CCDC15: variants seen among roughly 807,000 people sequenced by gnomAD.
CCDC15 encodes coiled-coil domain-containing protein 15.
Under a neutral mutation model 114.5 loss-of-function variants are expected in CCDC15, and 105 were observed. The observed-to-expected ratio is 0.92, with a 90% CI of 0.78 to 1.08. The LOEUF (loss-of-function observed/expected upper bound fraction) is 1.08, where lower values mean the gene tolerates loss of function less well. Among genes scored for constraint, CCDC15 ranks in the 50% least tolerant of loss-of-function variants. CCDC15 has a pLI of 0.00. For synonymous variants in CCDC15, 334 were observed against 377.8 expected (o/e 0.88, Z 1.34); for missense variants, 1,105 against 1,093.6 (o/e 1.01, Z -0.15).
chr11:125,039,765 G>A (rs1340403852), intron 15 of CCDC15, among the ~76,000 whole-genome samples: 1 of 152,138 alleles, frequency 6.6e-6, no homozygotes, highest in East Asian at 1.9e-4. Context: ...GCTACCCACT[G>A]CAGTATAAGA....
chr11:125,021,015 T>A (rs145730886), intron 13 of CCDC15, among the ~76,000 whole-genome samples: 1 of 151,820 alleles, frequency 6.6e-6, no homozygotes, highest in East Asian at 1.9e-4. Context: ...GATTGATCTA[T>A]GTTGGTGCTA....
At chr11:125,009,990 A>G (rs2135524638) in intron 13 of CCDC15, among the ~76,000 whole-genome samples, 1 of 152,258 alleles carries the variant, frequency 6.6e-6, no homozygotes, top group African/African-American at 2.4e-5. Flanking sequence ...TTTTTGGTAG[A>G]AGGATTCGTT....
intron 4 of CCDC15, among the ~76,000 whole-genome samples, chr11:124,964,718 C>A (rs539329461): frequency 1.3e-5 from 2 of 152,270 alleles, no homozygotes; most frequent in South Asian, 4.1e-4. Context: ...TGTCTTGTGC[C>A]AGTTTTCAAA....
Position 124,957,305 on chromosome 11 carries a change from C to T in CCDC15, c.178-1810C>T, listed in dbSNP as rs766296125. On this transcript the variant is annotated intron_variant, in intron 2 of 15. Coordinates refer to ENST00000344762, the MANE Select transcript of CCDC15 (RefSeq NM_025004.3). ...AGTTCTCCCAGTAATGTGGCACCTG[C>T]TGGGCTGTAATGTCCAAGATGGCTT... 1.0e-3 allele frequency among the ~76,000 whole-genome samples: 156 copies of T among 152,302 alleles called. 1 individual carries two copies. Among genetic ancestry groups the T allele is most frequent in the Middle Eastern group, 6.8e-3 (2 of 294 alleles).
Position 125,019,420 on chromosome 11 carries a change from T to C in CCDC15, c.2411+14208T>C, listed in dbSNP as rs75769604. Among the ~76,000 whole-genome samples, 43 of 152,056 alleles carry C rather than the reference T, an allele frequency of 2.8e-4. No individual in the cohort carries two copies. The East Asian group carries it at 7.2e-3, about 25-fold the overall frequency. ...GGTAGATTTGATTACTCATTTCATTTTACAGATGAGAAAATGAGCCCTAGA... is the reference window on the plus strand; with the variant it reads ...GGTAGATTTGATTACTCATTTCATTCTACAGATGAGAAAATGAGCCCTAGA... On this transcript the variant is annotated intron_variant, in intron 13 of 15. Transcript: ENST00000344762.
At chr11:125,036,626 A>T (rs1948776070) in intron 13 of CCDC15, among the ~76,000 whole-genome samples, 1 of 152,178 alleles carries the variant, frequency 6.6e-6, no homozygotes, top group South Asian at 2.1e-4. Flanking sequence ...GTTACTTTCT[A>T]GGTATCATAG....
chr11:125,035,356 T>A (rs1948768526), intron 13 of CCDC15, among the ~76,000 whole-genome samples: 1 of 151,990 alleles, frequency 6.6e-6, no homozygotes, highest in Admixed American at 6.6e-5. Context: ...TTTATAGTTT[T>A]TGTCTTGAAA....
At chr11:124,982,222 T>C (rs1196495317) in intron 6 of CCDC15, among the ~76,000 whole-genome samples, 1 of 152,164 alleles carries the variant, frequency 6.6e-6, no homozygotes, top group Non-Finnish European at 1.5e-5. Flanking sequence ...CAGCATACCA[T>C]TGGGTTTTGC....
intron 13 of CCDC15, among the ~76,000 whole-genome samples, chr11:125,027,274 G>A (rs1469720055): frequency 6.6e-6 from 1 of 152,092 alleles, no homozygotes; most frequent in East Asian, 1.9e-4. Context: ...ATTGCTGGAT[G>A]GAATTGCATT....
rs1446874010 is a variant in CCDC15 at position 124,954,862 on chromosome 11, G to T, written c.130G>T (p.Ala44Ser). The T allele has an allele frequency of 8.1e-6, 13 of 1,613,908 alleles. No individual in the cohort carries two copies. In the African/African-American group the frequency reaches 9.3e-5, roughly 12 times the overall value. ...ERNEAIVPVG[A>S]WVEPASPGSS... ...GAACGAGGCTATAGTACCAGTTGGG[G>T]CATGGGTGGAACCTGCCTCACCAGG... The change falls in exon 2 of 16, where the codon GCA becomes TCA. Residue 44 changes from alanine (A) to serine (S), a missense_variant. Ala to Ser is a moderately conservative substitution (Grantham distance 99). Transcript: ENST00000344762.
chr11:124,988,210 G>GCAAGTATAC (rs1190879568), intron 8 of CCDC15, 76 bp downstream of exon 8: 2 of 1,419,226 alleles, frequency 1.4e-6, no homozygotes, highest in Non-Finnish European at 1.9e-6. Context: ...TGTAAGGACT[G>GCAAGTATAC]CAAGTATACC....
At chr11:125,005,357 G>A (rs562450301) in intron 13 of CCDC15, 145 bp downstream of exon 13, 4 of 467,972 alleles carry the variant, frequency 8.5e-6, no homozygotes, top group South Asian at 8.0e-5. Flanking sequence ...TTGGAAGATG[G>A]TGAACAGCTA....
chr11:124,977,862 T>A (rs1234657926), intron 6 of CCDC15, among the ~76,000 whole-genome samples: 9 of 152,182 alleles, frequency 5.9e-5, no homozygotes, highest in Non-Finnish European at 1.0e-4. Flanking sequence ...ATTAATTTTT[T>A]AAAATAACTT....
intron 15 of CCDC15, among the ~76,000 whole-genome samples, chr11:125,040,058 T>G (rs929979689): frequency 7.9e-5 from 12 of 151,956 alleles, no homozygotes; most frequent in African/African-American, 1.4e-4. Context: ...TTTTGTTTTT[T>G]TTTTTCCGAG....
chr11:125,028,082 C>T (rs1292753793), intron 13 of CCDC15, among the ~76,000 whole-genome samples: 2 of 152,136 alleles, frequency 1.3e-5, no homozygotes, highest in Non-Finnish European at 2.9e-5. Flanking sequence ...CTATTGTGTT[C>T]CATTGGTCTA....
chr11:125,003,877 G>T lies in CCDC15; in HGVS notation c.2225G>T (p.Arg742Met), dbSNP rs929045346. The change falls in exon 12 of 16, where the codon AGG becomes ATG. Residue 742 changes from arginine (R) to methionine (M), a missense_variant. Arg to Met is a moderately conservative substitution (Grantham distance 91). Transcript: ENST00000344762. The part of the protein sequence containing the change: ...NTPGVPLAYD[R>M]YQSGLSTEFQ... Reference sequence around the variant, plus strand: ...GGACCTTCTTAACAGGCTTATGATAGGTATCAATCAGGATTGAGCACTGAA... The same window carrying T: ...GGACCTTCTTAACAGGCTTATGATATGTATCAATCAGGATTGAGCACTGAA... 6.4e-7 allele frequency: 1 copy of T among 1,559,004 alleles called. No individual in the cohort carries two copies. The highest frequency in any genetic ancestry group is 2.4e-5 in the East Asian group (1 of 41,956).
chr11:124,970,046 T>C (rs1315750187), intron 4 of CCDC15, among the ~76,000 whole-genome samples: 1 of 152,204 alleles, frequency 6.6e-6, no homozygotes, highest in African/African-American at 2.4e-5. Context: ...CTGAGACAGT[T>C]CTAGGTAAAC....
chr11:125,035,403 C>CT (rs1172054067), intron 13 of CCDC15, among the ~76,000 whole-genome samples: 9 of 151,870 alleles, frequency 5.9e-5, no homozygotes, highest in Admixed American at 5.3e-4. Context: ...TACTCCTGCT[C>CT]TTTTTTGGTT....
intron 12 of CCDC15, 57 bp downstream of exon 12, chr11:125,004,016 A>G (rs932625434): frequency 6.7e-6 from 6 of 889,780 alleles, no homozygotes; most frequent in East Asian, 3.1e-5. Context: ...GTATTAATAT[A>G]TGAGAAATTG....
Sources: gnomAD v4.1 joint callset for allele counts (sites outside exome capture counted in the v4.1 genomes callset) on GRCh38, gnomAD v4.1.1 for gene constraint, MANE v1.5 for transcripts, NCBI Gene and HGNC (gene_info 2026-07-23, HGNC 2026-07-21) for gene names.